Variants in DCLK1 observed in about 807,000 individuals in gnomAD.
DCLK1 encodes the protein serine/threonine-protein kinase DCLK1.
DCLK1 carries 16 observed loss-of-function variants against 86.2 expected under a neutral mutation model. The ratio of observed to expected loss-of-function variants is 0.19; its 90% CI spans 0.13 to 0.28. The LOEUF is 0.28. Ranked by LOEUF, DCLK1 falls within the 10% of genes least tolerant of loss-of-function variation. DCLK1 has a pLI of 1.00. For synonymous variants in DCLK1, 369 were observed against 370.5 expected (o/e 1.00, Z 0.05); for missense variants, 590 against 940.2 (o/e 0.63, Z 4.87).
At chr13:35,783,849 G>T (rs1245588001) in intron 16 of DCLK1, among the ~76,000 whole-genome samples, 1 of 152,142 alleles carries the variant, frequency 6.6e-6, no homozygotes, top group African/African-American at 2.4e-5. Flanking sequence ...GCCTCCCAAA[G>T]TGTTGGGATT....
intron 5 of DCLK1, among the ~76,000 whole-genome samples, chr13:35,867,892 A>AGT: frequency 7.1e-6 from 1 of 141,332 alleles, no homozygotes; most frequent in African/African-American, 2.6e-5. Context: ...AGAGAGAGAG[A>AGT]AAGAGAGAAA....
chr13:35,992,545 T>C (rs1335393851), intron 3 of DCLK1, among the ~76,000 whole-genome samples: 1 of 152,110 alleles, frequency 6.6e-6, no homozygotes, highest in Admixed American at 6.6e-5. Context: ...ACTGGAAATC[T>C]ACTCCTGACT....
intron 4 of DCLK1, among the ~76,000 whole-genome samples, chr13:35,922,296 G>A (rs1389581478): frequency 6.6e-6 from 1 of 152,254 alleles, no homozygotes; most frequent in African/African-American, 2.4e-5. Flanking sequence ...ATGGTAGCTT[G>A]TTTCAATTAT....
chr13:35,853,741 C>T (rs552144147), intron 6 of DCLK1, among the ~76,000 whole-genome samples: 5 of 152,234 alleles, frequency 3.3e-5, no homozygotes, highest in South Asian at 2.1e-4. Context: ...CCCCACCTTG[C>T]GTCTGAAATC....
chr13:35,860,797 T>C (rs114253242), intron 5 of DCLK1, among the ~76,000 whole-genome samples: 1,904 of 152,274 alleles, frequency 0.013, 39 homozygotes, highest in African/African-American at 0.043. Context: ...GCTGCAGTAC[T>C]GCAGGGCTGG....
Position 35,837,073 on chromosome 13 carries a change from TC to T in DCLK1, c.1121-933del, listed in dbSNP as rs545585321. ...GTGTGTTTTCTAAATGCACTCCTCTTCCGACCTTTCGTCATAAACTGAGACT... is the reference window on the plus strand; with the variant it reads ...GTGTGTTTTCTAAATGCACTCCTCTTCGACCTTTCGTCATAAACTGAGACT... On this transcript the variant is annotated intron_variant, in intron 7 of 16. Transcript: ENST00000360631. Among the ~76,000 whole-genome samples the T allele has an allele frequency of 5.0e-3, 763 of 152,350 alleles. 7 individuals are homozygous for T. The highest frequency in any genetic ancestry group is 0.018 in the African/African-American group (739 of 41,578).
intron 1 of DCLK1, among the ~76,000 whole-genome samples, chr13:36,129,264 GC>G (rs1419652017): frequency 6.6e-6 from 1 of 152,198 alleles, no homozygotes; most frequent in East Asian, 1.9e-4. Context: ...GGGGGAACGG[GC>G]TTTTAGGACC....
intron 2 of DCLK1, among the ~76,000 whole-genome samples, chr13:36,116,943 A>G (rs1168734037): frequency 6.6e-6 from 1 of 152,248 alleles, no homozygotes; most frequent in East Asian, 1.9e-4. Flanking sequence ...AACATTTCAT[A>G]ATCTACCTGG....
At chr13:36,056,906 A>AAAAAAAATATAT (rs4054844) in intron 3 of DCLK1, among the ~76,000 whole-genome samples, 1 of 130,160 alleles carries the variant, frequency 7.7e-6, no homozygotes, top group Non-Finnish European at 1.6e-5. Context: ...AAAAAAAAAA[A>AAAAAAAATATAT]ATATATATAT....
At chr13:36,115,208 G>C (rs1485246959) in intron 2 of DCLK1, among the ~76,000 whole-genome samples, 4 of 151,984 alleles carry the variant, frequency 2.6e-5, no homozygotes. Context: ...AAAATAACAA[G>C]ATAAAGTAAG....
chr13:36,106,883 A>C (rs1428510493), intron 3 of DCLK1, among the ~76,000 whole-genome samples: 1 of 152,134 alleles, frequency 6.6e-6, no homozygotes, highest in Non-Finnish European at 1.5e-5. Context: ...GACATATCTT[A>C]AGCACTCTAA....
At chr13:36,088,077 A>G (rs1884678965) in intron 3 of DCLK1, among the ~76,000 whole-genome samples, 1 of 152,168 alleles carries the variant, frequency 6.6e-6, no homozygotes, top group Non-Finnish European at 1.5e-5. Flanking sequence ...ACTAAAATCC[A>G]CCTGTGGAAA....
intron 3 of DCLK1, among the ~76,000 whole-genome samples, chr13:36,079,128 A>C (rs1212598785): frequency 6.6e-6 from 1 of 152,194 alleles, no homozygotes; most frequent in African/African-American, 2.4e-5. Flanking sequence ...GCGGTTGTGG[A>C]AATGCCTAGA....
intron 4 of DCLK1, among the ~76,000 whole-genome samples, chr13:35,890,077 T>C (rs1873548322): frequency 6.6e-6 from 1 of 152,146 alleles, no homozygotes; most frequent in South Asian, 2.1e-4. Flanking sequence ...ATAATATATG[T>C]GTTGTTTTTT....
rs779903371 is a variant in DCLK1 at position 35,788,170 on chromosome 13, T to C, written c.2058+5196A>G. 32 of 1,593,494 alleles carry C rather than the reference T, an allele frequency of 2.0e-5. No individual in the cohort carries two copies. In the South Asian group the frequency reaches 2.5e-4, roughly 13 times the overall value. On this transcript the variant is annotated intron_variant, in intron 16 of 16. Coordinates refer to ENST00000360631, the MANE Select transcript of DCLK1 (RefSeq NM_001330071.2). ...CTGGTTAATGGAGACTGCCAGCACG[T>C]TGCCATGGAAACACTGACTGTTGAG...
chr13:35,955,706 T>G (rs141132626), intron 3 of DCLK1, among the ~76,000 whole-genome samples: 7 of 152,278 alleles, frequency 4.6e-5, no homozygotes, highest in African/African-American at 1.7e-4. Flanking sequence ...TTTCCTCATA[T>G]GTAAAATGGA....
At chr13:36,123,309 G>T (rs189939665) in intron 2 of DCLK1, among the ~76,000 whole-genome samples, 2,337 of 152,260 alleles carry the variant, frequency 0.015, 21 homozygotes, top group Non-Finnish European at 0.026. Flanking sequence ...AACACTAAGT[G>T]CAGCTGCATG....
In DCLK1 at chr13:35,878,112, T is replaced by C. The variant is rs74893976; in HGVS notation, c.824-6772A>G. 6.1e-3 allele frequency among the ~76,000 whole-genome samples: 933 copies of C among 152,304 alleles called. 9 individuals are homozygous for C. Among genetic ancestry groups the C allele is most frequent in the African/African-American group, 0.021 (860 of 41,578 alleles). On this transcript the variant is annotated intron_variant, in intron 4 of 16. Transcript: ENST00000360631. ...TGAGCACCCCCAGTGCCTGGGAGAT[T>C]CACCACCTCCTGCCTCATGGTTTTG...
In DCLK1 at chr13:36,071,167, AC is replaced by A. The variant is rs148828142; in HGVS notation, c.723+40701del. On this transcript the variant is annotated intron_variant, in intron 3 of 16. Transcript: ENST00000360631. ...AAATAATATGAACATATCTCGTTAC[AC>A]TGCCACTGGAGTGCTTCATTCTATT... 3.2e-3 allele frequency among the ~76,000 whole-genome samples: 494 copies of A among 152,112 alleles called. 1 individual carries two copies. Among genetic ancestry groups the A allele is most frequent in the African/African-American group, 0.011 (475 of 41,494 alleles).
Sources: gnomAD v4.1 joint callset for allele counts (sites outside exome capture counted in the v4.1 genomes callset) on GRCh38, gnomAD v4.1.1 for gene constraint, MANE v1.5 for transcripts, NCBI Gene and HGNC (gene_info 2026-07-23, HGNC 2026-07-21) for gene names.